Variants in BAP1 observed in about 807,000 individuals in gnomAD.
BAP1 encodes ubiquitin carboxyl-terminal hydrolase BAP1.
Under a neutral mutation model 77.2 loss-of-function variants are expected in BAP1, and 16 were observed. That is an observed-to-expected ratio of 0.21 (90% CI 0.14 to 0.31). BAP1 has a LOEUF of 0.31. BAP1 is among the 10% of genes least tolerant of loss of function. BAP1 has a pLI of 1.00. For missense variants in BAP1, 699 were observed against 967.3 expected (o/e 0.72, Z 3.68); for synonymous variants, 362 against 385.2 (o/e 0.94, Z 0.71).
chr3:52,409,539 TGTACA>T lies in BAP1; in HGVS notation c.122+10_122+14del. The T allele has an allele frequency of 1.2e-6, 2 of 1,614,080 alleles. No homozygotes were observed. The highest frequency in any genetic ancestry group is 1.7e-6 in the Non-Finnish European group (2 of 1,179,970). ...CTCTGGGTGTAAGGGGCAGCCCTGGTGTACAGCCACTCACCCCTGACATTTGCTCT... is the reference window on the plus strand; with the variant it reads ...CTCTGGGTGTAAGGGGCAGCCCTGGTGCCACTCACCCCTGACATTTGCTCT... On this transcript the variant is annotated intron_variant, in intron 3 of 16. Coordinates refer to ENST00000460680, the MANE Select transcript of BAP1 (RefSeq NM_004656.4).
At chr3:52,407,070 C>T (rs1705188022) in intron 7 of BAP1, 104 bp downstream of exon 7, 4 of 1,581,460 alleles carry the variant, frequency 2.5e-6, no homozygotes, top group Middle Eastern at 2.2e-4. Flanking sequence ...GTGTCGGTAC[C>T]GACAACCCCT....
chr3:52,406,037 A>G lies in BAP1; in HGVS notation c.784-125T>C. The G allele has an allele frequency of 2.6e-6, 4 of 1,517,540 alleles. No homozygotes were observed. Among genetic ancestry groups the G allele is most frequent in the Non-Finnish European group, 3.6e-6 (4 of 1,116,394 alleles). The allele number at this position is 1,517,540 out of a possible 1,614,324, so 94.0% of individuals were successfully genotyped here. On this transcript the variant is annotated intron_variant, in intron 9 of 16. Coordinates refer to ENST00000460680, the MANE Select transcript of BAP1 (RefSeq NM_004656.4). This position sits in a 1 kb window ranked among gnomAD's most constrained non-coding sequence, Gnocchi z 4.6. The stretch of plus-strand genomic sequence containing the variant: ...CTACCCATTCACTCACAGGGAAATA[A>G]AACACCCAAACCCAAACTTCCTTTT...
rs532207217 is a variant in BAP1 at position 52,402,731 on chromosome 3, A to C, written c.1983+48T>G. 6.2e-7 allele frequency: 1 copy of C among 1,614,122 alleles called. No homozygotes were observed. Among genetic ancestry groups the C allele is most frequent in the South Asian group, 1.1e-5 (1 of 91,086 alleles). On this transcript the variant is annotated intron_variant, in intron 15 of 16. Coordinates refer to ENST00000460680, the MANE Select transcript of BAP1 (RefSeq NM_004656.4). The surrounding 1 kb of genome is among the most constrained non-coding windows in gnomAD (Gnocchi z 5.3). ...AGCCAATCTTGCCAGAGCAGCCACC[A>C]GTGGACCTCGGGAGAGGCCAGATCA...
At chr3:52,409,433 G>A in intron 3 of BAP1, 121 bp downstream of exon 3, 1 of 1,338,026 alleles carries the variant, frequency 7.5e-7, no homozygotes, top group Non-Finnish European at 1.1e-6. Context: ...CAAGGCTGCT[G>A]CTTTCTGTGA....
intron 11 of BAP1, among the ~76,000 whole-genome samples, chr3:52,404,808 C>T (rs1371434732): frequency 6.6e-6 from 1 of 152,210 alleles, no homozygotes; most frequent in African/African-American, 2.4e-5. Context: ...TGCCCTGAAA[C>T]ACATGCCTTT....
chr3:52,403,808 T>A lies in BAP1; in HGVS notation c.1337A>T (p.Asn446Ile), dbSNP rs751399960. Residue 446 changes from asparagine (N) to isoleucine (I), a missense_variant, in exon 13 of 17, where the codon AAC becomes ATC. Asn to Ile is a moderately radical substitution (Grantham distance 149, BLOSUM62 -3). Transcript: ENST00000460680. The surrounding 1 kb of genome is among the most constrained non-coding windows in gnomAD (Gnocchi z 4.0). ...QLSVLQPNTI[N>I]VLAEKLKESQ... Reference sequence around the variant, plus strand: ...CTCTTTGAGCTTCTCAGCCAAGACGTTGATGGTGTTGGGCTGCAGCACTGA... The same window carrying A: ...CTCTTTGAGCTTCTCAGCCAAGACGATGATGGTGTTGGGCTGCAGCACTGA... 2.1e-5 allele frequency: 34 copies of A among 1,614,090 alleles called. No individual in the cohort carries two copies. Among genetic ancestry groups the A allele is most frequent in the Non-Finnish European group, 2.6e-5 (31 of 1,179,994 alleles).
Position 52,403,012 on chromosome 3 carries a change from T to C in BAP1, c.1890+126A>G. The C allele has an allele frequency of 6.3e-7, 1 of 1,596,654 alleles. No individual in the cohort carries two copies. Among genetic ancestry groups the C allele is most frequent in the East Asian group, 2.2e-5 (1 of 44,786 alleles). ...CCACCACCCAACCCAGAAAGTCTTC[T>C]GGCACATGGCTCCAGCCACCAATCT... On this transcript the variant is annotated intron_variant, in intron 14 of 16. Transcript: ENST00000460680. The surrounding 1 kb of genome is among the most constrained non-coding windows in gnomAD (Gnocchi z 4.0).
Position 52,403,950 on chromosome 3 carries a change from C to T in BAP1, c.1251-56G>A. On this transcript the variant is annotated intron_variant, in intron 12 of 16. Coordinates refer to ENST00000460680, the MANE Select transcript of BAP1 (RefSeq NM_004656.4). This position sits in a 1 kb window ranked among gnomAD's most constrained non-coding sequence, Gnocchi z 4.0. ...GAACGGGCCAGGTGACCATACCCAG[C>T]AGTACCCAGAATGGCTTAAATACAT... 6.3e-7 allele frequency: 1 copy of T among 1,582,066 alleles called. No homozygotes were observed. The highest frequency in any genetic ancestry group is 1.1e-5 in the South Asian group (1 of 90,382).
At chr3:52,407,879 T>C (rs1705215996) in intron 5 of BAP1, 79 bp downstream of exon 5, 1 of 1,597,832 alleles carries the variant, frequency 6.3e-7, no homozygotes, top group Non-Finnish European at 8.6e-7. Flanking sequence ...CCCAATATCA[T>C]GTGGTAGCAT....
chr3:52,406,349 G>A lies in BAP1; in HGVS notation c.687C>T (p.Asn229=), dbSNP rs2153227484. 6.2e-7 allele frequency: 1 copy of A among 1,614,114 alleles called. No homozygotes were observed. The highest frequency in any genetic ancestry group is 8.5e-7 in the Non-Finnish European group (1 of 1,180,034). ...TGCGGTCGGGCACCACTGCCATCAG[G>A]TTGAAGCGGATGTCGTGGTAGGGCT... The part of the protein sequence containing the change: ...AGEPYHDIRF[N]LMAVVPDRRI... The change falls in exon 9 of 17, where the codon AAC becomes AAT. Residue 229 remains asparagine (N), a synonymous_variant. Coordinates refer to ENST00000460680, the MANE Select transcript of BAP1 (RefSeq NM_004656.4). This position sits in a 1 kb window ranked among gnomAD's most constrained non-coding sequence, Gnocchi z 4.6.
chr3:52,409,618 G>C lies in BAP1; in HGVS notation c.68-10C>G, dbSNP rs765072556. On this transcript the variant is annotated splice_polypyrimidine_tract_variant and intron_variant, in intron 2 of 16. Coordinates refer to ENST00000460680, the MANE Select transcript of BAP1 (RefSeq NM_004656.4). ...TGCACCCCCTTGACACCTGCGATGA[G>C]GAAAGGAAAGCAGTAGGGAAGGACA... The C allele has an allele frequency of 6.2e-7, 1 of 1,614,204 alleles. No individual in the cohort carries two copies. The highest frequency in any genetic ancestry group is 8.5e-7 in the Non-Finnish European group (1 of 1,180,030).
At chr3:52,405,669 A>G in intron 10 of BAP1, 96 bp downstream of exon 10, 2 of 1,541,422 alleles carry the variant, frequency 1.3e-6, no homozygotes, top group Non-Finnish European at 1.8e-6. Flanking sequence ...CTGCCCAAGG[A>G]CATCCCCAGA....
In BAP1 at chr3:52,403,006, G is replaced by C; in HGVS notation, c.1890+132C>G. 1 of 1,596,494 alleles carries C rather than the reference G, an allele frequency of 6.3e-7. No individual in the cohort carries two copies. Among genetic ancestry groups the C allele is most frequent in the Non-Finnish European group, 8.5e-7 (1 of 1,176,018 alleles). ...CCCCTGCCACCACCCAACCCAGAAA[G>C]TCTTCTGGCACATGGCTCCAGCCAC... is the stretch of plus-strand genomic sequence containing the variant. On this transcript the variant is annotated intron_variant, in intron 14 of 16. Coordinates refer to ENST00000460680, the MANE Select transcript of BAP1 (RefSeq NM_004656.4). This position sits in a 1 kb window ranked among gnomAD's most constrained non-coding sequence, Gnocchi z 4.0.
intron 12 of BAP1, 125 bp downstream of exon 12, chr3:52,404,328 C>T (rs1453723070): frequency 6.5e-7 from 1 of 1,536,938 alleles, no homozygotes; most frequent in Non-Finnish European, 9.0e-7. Flanking sequence ...CAGCCTCCCC[C>T]AGGGCCCCAA....
chr3:52,402,139 G>C lies in BAP1; in HGVS notation c.*149C>G, dbSNP rs1286625912. 2.2e-6 allele frequency: 3 copies of C among 1,335,560 alleles called. No individual in the cohort carries two copies. Among genetic ancestry groups the C allele is most frequent in the African/African-American group, 1.5e-5 (1 of 68,752 alleles). 82.7% of individuals were successfully genotyped at this position (1,335,560 alleles called of 1,614,324 possible). On this transcript the variant is annotated 3_prime_UTR_variant, in exon 17 of 17. Coordinates refer to ENST00000460680, the MANE Select transcript of BAP1 (RefSeq NM_004656.4). This position sits in a 1 kb window ranked among gnomAD's most constrained non-coding sequence, Gnocchi z 5.3. Reference sequence around the variant, plus strand: ...GTCAGGCCTCAGGGCACGATGGAAGGAATGTGGCCTGGTTCCTCCCATTCC... The same window carrying C: ...GTCAGGCCTCAGGGCACGATGGAAGCAATGTGGCCTGGTTCCTCCCATTCC...
chr3:52,406,545 T>C lies in BAP1; in HGVS notation c.660-169A>G. 7 of 1,093,048 alleles carry C rather than the reference T, an allele frequency of 6.4e-6. No individual in the cohort carries two copies. Among genetic ancestry groups the C allele is most frequent in the Non-Finnish European group, 9.3e-6 (7 of 751,796 alleles). 67.7% of individuals were successfully genotyped at this position (1,093,048 alleles called of 1,614,324 possible). A position where few individuals can be genotyped will look rare whatever the true frequency, so the allele number is the denominator to read the frequency against. On this transcript the variant is annotated intron_variant, in intron 8 of 16. Transcript: ENST00000460680. The surrounding 1 kb of genome is among the most constrained non-coding windows in gnomAD (Gnocchi z 4.6). ...CATACATGCCAGGCACCTGAGCTGGTACCTTCCAACAAGCTGTATGAGGGG... is the reference window on the plus strand; with the variant it reads ...CATACATGCCAGGCACCTGAGCTGGCACCTTCCAACAAGCTGTATGAGGGG...
In BAP1 at chr3:52,402,809, C is replaced by T; in HGVS notation, c.1953G>A (p.Lys651=). 1.9e-6 allele frequency: 3 copies of T among 1,614,240 alleles called. No individual in the cohort carries two copies. The change falls in exon 15 of 17, where the codon AAG becomes AAA. Residue 651 remains lysine (K), a synonymous_variant. Coordinates refer to ENST00000460680, the MANE Select transcript of BAP1 (RefSeq NM_004656.4). The surrounding 1 kb of genome is among the most constrained non-coding windows in gnomAD (Gnocchi z 5.3). Reference sequence around the variant, plus strand: ...ACTTCTTCCTCTTCTCTACCTCCTCCTTGAGGCACGCCTCATAGTTTGCAA... The same window carrying T: ...ACTTCTTCCTCTTCTCTACCTCCTCTTTGAGGCACGCCTCATAGTTTGCAA... ...AEIANYEACL[K]EEVEKRKKFK...
rs1367080635 is a variant in BAP1 at position 52,404,470 on chromosome 3, G to A, written c.1233C>T (p.Asn411=). Residue 411 remains asparagine, a synonymous_variant, in exon 12 of 17, where the codon AAC becomes AAT. Transcript: ENST00000460680. ...GGGCTGACCTAAGGGCAGAGTTGGT[G>A]TTCTGCACGTCATCCTCCTCGTCAT... The part of the protein sequence containing the change: ...YEDDEEDDVQ[N]TNSALRYKGK... 6.2e-7 allele frequency: 1 copy of A among 1,614,118 alleles called. No individual in the cohort carries two copies. Among genetic ancestry groups the A allele is most frequent in the East Asian group, 2.2e-5 (1 of 44,900 alleles).
At chr3:52,405,316 G>C (rs1705115915) in intron 10 of BAP1, 22 bp from the exon 11 acceptor site, 1 of 1,612,802 alleles carries the variant, frequency 6.2e-7, no homozygotes, top group Non-Finnish European at 8.5e-7. Flanking sequence ...CAAGAACACA[G>C]GCAGGACCTC....
Sources: allele counts gnomAD v4.1 joint callset (sites outside exome capture counted in the v4.1 genomes callset), GRCh38; gene constraint gnomAD v4.1.1; non-coding constraint Gnocchi (gnomAD v3.1); transcripts MANE v1.5; gene names NCBI Gene and HGNC (gene_info 2026-07-23, HGNC 2026-07-21).